ERI1: variants seen among roughly 807,000 people sequenced by gnomAD.
ERI1 encodes 3'-5' exoribonuclease 1.
In ERI1, 39 loss-of-function variants were observed where a neutral mutation model predicts 39.7. That is an observed-to-expected ratio of 0.98 (90% confidence interval 0.76 to 1.28). The LOEUF (loss-of-function observed/expected upper bound fraction) is 1.28. Among genes scored for constraint, ERI1 ranks in the 50% most tolerant of loss-of-function variants. ERI1 has a pLI of 0.00. For missense variants in ERI1, 581 were observed against 416.9 expected, an observed-to-expected ratio of 1.39 and a Z score of -3.43; for synonymous variants, 204 against 149.6, an observed-to-expected ratio of 1.36 and a Z score of -2.65.
chr8:9,004,193 A>G lies in ERI1; in HGVS notation c.108+1022A>G, dbSNP rs1403590766. ...TCCTTGCAATTATCTTTCTCCTTCT[A>G]AGGTTGTTATTTCAAAGAGTACTTG... On this transcript the variant is annotated intron_variant, in intron 1 of 6. Coordinates refer to ENST00000250263, the MANE Select transcript of ERI1 (RefSeq NM_153332.4). 6 of 1,285,608 alleles carry G rather than the reference A, an allele frequency of 4.7e-6. No individual in the cohort carries two copies. In the African/African-American group the frequency reaches 9.2e-5, roughly 20 times the overall value. 79.6% of individuals were successfully genotyped at this position (1,285,608 alleles called of 1,614,324 possible).
chr8:9,055,259 A>C (rs1204542047), intron 3 of ERI1, among the ~76,000 whole-genome samples: 1 of 152,226 alleles, frequency 6.6e-6, no homozygotes, highest in Non-Finnish European at 1.5e-5. Flanking sequence ...GATTGGCCAA[A>C]ACTCAGTGAT....
chr8:9,016,596 C>A (rs1465493237), intron 4 of ERI1, among the ~76,000 whole-genome samples, 191 bp downstream of exon 4: 11 of 151,216 alleles, frequency 7.3e-5, no homozygotes, highest in African/African-American at 2.7e-4. Context: ...TTTTCCTCAG[C>A]CTTTCCTCTT....
At chr8:9,008,665 T>C (rs1486924765) in intron 2 of ERI1, among the ~76,000 whole-genome samples, 1 of 152,242 alleles carries the variant, frequency 6.6e-6, no homozygotes, top group Non-Finnish European at 1.5e-5. Flanking sequence ...CTTAGTCAAC[T>C]GTATGTGTAT....
At chr8:9,022,269 T>C (rs368191927) in intron 6 of ERI1, among the ~76,000 whole-genome samples, 1 of 152,228 alleles carries the variant, frequency 6.6e-6, no homozygotes, top group Non-Finnish European at 1.5e-5. Flanking sequence ...TTTAAATTTC[T>C]GACTGTTTTA....
Position 9,018,332 on chromosome 8 carries a change from A to G in ERI1, c.618A>G (p.Val206=). The change falls in exon 5 of 7, where the codon GTA becomes GTG. Residue 206 remains valine, a synonymous_variant. Coordinates refer to ENST00000250263, the MANE Select transcript of ERI1 (RefSeq NM_153332.4). Reference sequence around the variant, plus strand: ...ACAGAGCTGATACCTTCCCTCAGGTACTAAAAAAAGTAATTGACTGGATGA... The same window carrying G: ...ACAGAGCTGATACCTTCCCTCAGGTGCTAAAAAAAGTAATTGACTGGATGA... The part of the protein sequence containing the change: ...QVDRADTFPQ[V]LKKVIDWMKL... 6.2e-7 allele frequency: 1 copy of G among 1,612,772 alleles called. No individual in the cohort carries two copies. The highest frequency in any genetic ancestry group is 8.5e-7 in the Non-Finnish European group (1 of 1,178,904).
intron 3 of ERI1, among the ~76,000 whole-genome samples, chr8:9,084,848 G>A (rs976878678): frequency 2.0e-5 from 3 of 152,214 alleles, no homozygotes; most frequent in African/African-American, 7.2e-5. Flanking sequence ...AAGCTGAAGT[G>A]GAGAGGTGTA....
In ERI1 at chr8:9,010,615, G is replaced by GTATCTACACATTATTTACTT. The variant is rs1268679140; in HGVS notation, c.288-927_288-926insTATCTACACATTATTTACTT. On this transcript the variant is annotated intron_variant, in intron 2 of 6. Transcript: ENST00000250263. ...AATCAGTTAACATGATACTTTACTT[G>GTATCTACACATTATTTACTT]GCACTACACATTAATTATAATTTAG... is the stretch of plus-strand genomic sequence containing the variant. Among the ~76,000 whole-genome samples the GTATCTACACATTATTTACTT allele has an allele frequency of 1.8e-3, 280 of 151,994 alleles. 1 individual carries two copies. Among genetic ancestry groups the GTATCTACACATTATTTACTT allele is most frequent in the African/African-American group, 6.5e-3 (268 of 41,464 alleles).
chr8:9,039,774 T>C (rs1797959477), intron 3 of ERI1, among the ~76,000 whole-genome samples: 1 of 152,220 alleles, frequency 6.6e-6, no homozygotes, highest in African/African-American at 2.4e-5. Context: ...CTGGCAGATA[T>C]CTAGAACCTA....
At chr8:9,066,608 C>A (rs1046474089) in intron 3 of ERI1, among the ~76,000 whole-genome samples, 1 of 152,118 alleles carries the variant, frequency 6.6e-6, no homozygotes, top group Non-Finnish European at 1.5e-5. Context: ...AGATGTAGGA[C>A]ATTTTGTTAT....
intron 3 of ERI1, among the ~76,000 whole-genome samples, chr8:9,044,444 A>G (rs1798116069): frequency 6.6e-6 from 1 of 152,150 alleles, no homozygotes; most frequent in African/African-American, 2.4e-5. Flanking sequence ...GCGTCAGTTC[A>G]GTAGGAGAGT....
intron 4 of ERI1, among the ~76,000 whole-genome samples, chr8:9,017,301 G>A (rs1023036731): frequency 6.6e-6 from 1 of 152,052 alleles, no homozygotes; most frequent in Non-Finnish European, 1.5e-5. Flanking sequence ...GTCCCAAAAA[G>A]TGTTGGGATT....
chr8:9,041,941 C>T (rs1409532215), intron 3 of ERI1, among the ~76,000 whole-genome samples: 1 of 152,128 alleles, frequency 6.6e-6, no homozygotes. Context: ...ACCATGTTGG[C>T]CAGGCTAATC....
At chr8:9,083,910 C>A (rs1472585192) in intron 3 of ERI1, among the ~76,000 whole-genome samples, 1 of 152,114 alleles carries the variant, frequency 6.6e-6, no homozygotes, top group Non-Finnish European at 1.5e-5. Flanking sequence ...TCTCCAGCCT[C>A]AGCCTCCTGA....
At chr8:9,029,528 A>G (rs925500396) in intron 6 of ERI1, among the ~76,000 whole-genome samples, 5 of 152,034 alleles carry the variant, frequency 3.3e-5, no homozygotes, top group East Asian at 1.9e-4. Flanking sequence ...ATGGGGTGTC[A>G]CCATGTTCGC....
At chr8:9,084,089 A>G (rs570876372) in intron 3 of ERI1, among the ~76,000 whole-genome samples, 2 of 152,062 alleles carry the variant, frequency 1.3e-5, no homozygotes, top group East Asian at 1.9e-4. Flanking sequence ...CGCCGTGCCC[A>G]GCCTAAAATT....
chr8:9,030,240 A>G lies in ERI1; in HGVS notation c.*206A>G. On this transcript the variant is annotated 3_prime_UTR_variant, in exon 7 of 7. Transcript: ENST00000250263. Reference sequence around the variant, plus strand: ...CTTTGTCACCAGCACTTTTGATATGAACAGTATTCGTTACATAGTAACAGT... The same window carrying G: ...CTTTGTCACCAGCACTTTTGATATGGACAGTATTCGTTACATAGTAACAGT... 1 of 617,304 alleles carries G rather than the reference A, an allele frequency of 1.6e-6. No homozygotes were observed. Among genetic ancestry groups the G allele is most frequent in the Non-Finnish European group, 2.8e-6 (1 of 361,020 alleles). The allele number at this position is 617,304 out of a possible 1,614,324, so 38.2% of individuals were successfully genotyped here. A position where few individuals can be genotyped will look rare whatever the true frequency, so the allele number is the denominator to read the frequency against.
At chr8:9,074,898 T>C (rs1799159357) in intron 3 of ERI1, among the ~76,000 whole-genome samples, 1 of 152,202 alleles carries the variant, frequency 6.6e-6, no homozygotes, top group Non-Finnish European at 1.5e-5. Context: ...TGGTCTGGTG[T>C]GGTCTTAATC....
rs1279625045 is a variant in ERI1, at chr8:9,031,519, G to C, written c.*1485G>C. 3 of 152,198 alleles carry C rather than the reference G, an allele frequency of 2.0e-5. No homozygotes were observed. Among genetic ancestry groups the C allele is most frequent in the Non-Finnish European group, 4.4e-5 (3 of 68,028 alleles). The allele number at this position is 152,198 out of a possible 1,614,324, so 9.4% of individuals were successfully genotyped here. A position where few individuals can be genotyped will look rare whatever the true frequency, so the allele number is the denominator to read the frequency against. On this transcript the variant is annotated 3_prime_UTR_variant, in exon 7 of 7. Coordinates refer to ENST00000250263, the MANE Select transcript of ERI1 (RefSeq NM_153332.4). The stretch of plus-strand genomic sequence containing the variant: ...AACTCTTAGGATAAGAGGGATGTAT[G>C]CTGAGATGTTTGTGCATCCCAGATA...
chr8:9,004,619 G>A (rs948354880), intron 1 of ERI1, among the ~76,000 whole-genome samples: 2 of 150,268 alleles, frequency 1.3e-5, no homozygotes, highest in Non-Finnish European at 1.5e-5. Flanking sequence ...AGCTGTGATC[G>A]TGCCACTGCA....
Sources: gnomAD v4.1 joint callset for allele counts (sites outside exome capture counted in the v4.1 genomes callset) on GRCh38, gnomAD v4.1.1 for gene constraint, MANE v1.5 for transcripts, NCBI Gene and HGNC (gene_info 2026-07-23, HGNC 2026-07-21) for gene names.